The following RANBP2 variants were observed in gnomAD, a reference collection of about 807,000 sequenced individuals.
The protein encoded by RANBP2 is RAN binding protein 2, also known as E3 SUMO-protein ligase RanBP2.
RANBP2 carries 57 observed loss-of-function variants against 303.6 expected under a neutral mutation model. The ratio of observed to expected loss-of-function variants is 0.19; its 90% CI spans 0.15 to 0.23. RANBP2 has a LOEUF of 0.23. Among genes scored for constraint, RANBP2 ranks in the 10% least tolerant of loss-of-function variants. RANBP2 has a pLI of 1.00. For missense variants in RANBP2, 3,138 were observed against 3,780.8 expected, an observed-to-expected ratio of 0.83 and a Z score of 4.46; for synonymous variants, 1,167 against 1,301.5, an observed-to-expected ratio of 0.90 and a Z score of 2.23.
the RANBP2 span, among the ~76,000 whole-genome samples, chr2:109,044,385 T>C: frequency 6.6e-6 from 1 of 151,908 alleles, no homozygotes; most frequent in Non-Finnish European, 1.5e-5. Flanking sequence ...TAGCTGGGTA[T>C]GGTGGCGGAC....
the RANBP2 span, among the ~76,000 whole-genome samples, chr2:109,076,949 A>T: frequency 6.6e-6 from 1 of 150,692 alleles, no homozygotes; most frequent in Admixed American, 6.6e-5. Flanking sequence ...ATCTGGAGAA[A>T]GAAGAAGAAA....
the RANBP2 span, among the ~76,000 whole-genome samples, chr2:109,392,701 G>C: frequency 6.6e-6 from 1 of 151,644 alleles, no homozygotes; most frequent in African/African-American, 2.4e-5. Flanking sequence ...TTTTTCAGTA[G>C]AGATGGGGTT....
the RANBP2 span, chr2:109,614,525 G>T: frequency 1.6e-6 from 2 of 1,271,572 alleles, no homozygotes; most frequent in Non-Finnish European, 2.0e-6. Context: ...CCGAGGCGGC[G>T]CTGGGCCCCG....
the RANBP2 span, among the ~76,000 whole-genome samples, chr2:109,228,111 A>G: frequency 2.0e-5 from 3 of 152,210 alleles, no homozygotes; most frequent in Middle Eastern, 3.4e-3. Context: ...CATACAGGCA[A>G]TCTCTAATGG....
chr2:109,031,802 G>A, the RANBP2 span, among the ~76,000 whole-genome samples: 10 of 152,170 alleles, frequency 6.6e-5, no homozygotes, highest in African/African-American at 2.2e-4. Flanking sequence ...TTTGCCCCCA[G>A]CGAAGAGAAC....
chr2:109,128,056 C>G, the RANBP2 span: 1 of 152,252 alleles, frequency 6.6e-6, no homozygotes, highest in African/African-American at 2.4e-5. Context: ...GATGTTAGCC[C>G]TGACTGAACT....
chr2:108,940,855 G>A, the RANBP2 span, among the ~76,000 whole-genome samples: 2 of 152,176 alleles, frequency 1.3e-5, no homozygotes, highest in Non-Finnish European at 2.9e-5. Flanking sequence ...TTGCTCAGAT[G>A]ATAGTTTTAA....
At chr2:109,653,329 A>T in the RANBP2 span, among the ~76,000 whole-genome samples, 1 of 150,910 alleles carries the variant, frequency 6.6e-6, no homozygotes, top group African/African-American at 2.4e-5. Context: ...TGGGAGGCAG[A>T]GTTTGGAGTG....
the RANBP2 span, chr2:108,910,324 G>A: frequency 2.8e-6 from 2 of 709,676 alleles, no homozygotes; most frequent in Non-Finnish European, 4.9e-6. Context: ...AGAGGTGGTG[G>A]GGACTGTCTG....
the RANBP2 span, among the ~76,000 whole-genome samples, chr2:109,473,328 C>T: frequency 6.6e-6 from 1 of 152,194 alleles, no homozygotes; most frequent in Non-Finnish European, 1.5e-5. Flanking sequence ...TGTGCCTGGG[C>T]TTGTGGCTGG....
the RANBP2 span, among the ~76,000 whole-genome samples, chr2:109,034,877 G>T: frequency 6.6e-6 from 1 of 152,152 alleles, no homozygotes; most frequent in Non-Finnish European, 1.5e-5. Context: ...TTATCCAAAA[G>T]CCCATGCAGG....
chr2:108,811,072 GT>G, the RANBP2 span, among the ~76,000 whole-genome samples: 1 of 147,768 alleles, frequency 6.8e-6, no homozygotes. Flanking sequence ...GATTTTATCT[GT>G]TTGGGTCTTT....
chr2:109,255,414 A>G, the RANBP2 span, among the ~76,000 whole-genome samples: 38 of 152,272 alleles, frequency 2.5e-4, no homozygotes, highest in East Asian at 2.1e-3. Flanking sequence ...GTTGTTCTCA[A>G]TGATCAGTAT....
At chr2:108,754,027 T>G in intron 15 of RANBP2, 56 bp downstream of exon 15, 2 of 1,611,182 alleles carry the variant, frequency 1.2e-6, no homozygotes, top group Non-Finnish European at 1.7e-6. Context: ...GGTCAATGTT[T>G]TTGCGTTGGT....
At chr2:108,719,996 C>T (rs1694098741) in intron 1 of RANBP2, 3 of 985,198 alleles carry the variant, frequency 3.0e-6, no homozygotes, top group Non-Finnish European at 3.6e-6. Context: ...CCGTAGTACC[C>T]GCGCGGCCTA....
the RANBP2 span, among the ~76,000 whole-genome samples, chr2:109,090,790 A>C: frequency 6.6e-6 from 1 of 152,070 alleles, no homozygotes; most frequent in African/African-American, 2.4e-5. Context: ...TCAAATAATA[A>C]TTTTTTTAGA....
the RANBP2 span, among the ~76,000 whole-genome samples, chr2:109,279,389 G>A: frequency 6.6e-6 from 1 of 152,248 alleles, no homozygotes; most frequent in Admixed American, 6.5e-5. Context: ...TTGCATGGAA[G>A]TTGCATCACC....
chr2:109,717,731 T>C, the RANBP2 span, among the ~76,000 whole-genome samples: 1 of 152,068 alleles, frequency 6.6e-6, no homozygotes, highest in South Asian at 2.1e-4. Flanking sequence ...TTGGCCAACA[T>C]GGTGAAACCC....
the RANBP2 span, among the ~76,000 whole-genome samples, chr2:109,009,010 T>C: frequency 6.6e-6 from 1 of 151,960 alleles, no homozygotes; most frequent in African/African-American, 2.4e-5. Context: ...ACCTAATTAA[T>C]TTCAGTGGGG....
Sources: allele counts gnomAD v4.1 joint callset (sites outside exome capture counted in the v4.1 genomes callset), GRCh38; gene constraint gnomAD v4.1.1; transcripts MANE v1.5; gene names NCBI Gene and HGNC (gene_info 2026-07-23, HGNC 2026-07-21).